Variants in SH3RF3 observed in about 807,000 individuals in gnomAD.
SH3RF3 encodes SH3 domain containing ring finger 3, also known as E3 ubiquitin-protein ligase SH3RF3.
A neutral mutation model predicts 66.3 loss-of-function variants in SH3RF3; 29 were observed. The ratio of observed to expected loss-of-function variants is 0.44; its 90% CI spans 0.33 to 0.60. SH3RF3 has a LOEUF of 0.60. Ranked by LOEUF, SH3RF3 falls within the 20% of genes least tolerant of loss-of-function variation. The pLI, the probability that SH3RF3 is intolerant of heterozygous loss-of-function variation, is 0.04. For synonymous variants in SH3RF3, 583 were observed against 532.0 expected (o/e 1.10, Z -1.32); for missense variants, 1,194 against 1,190.9 (o/e 1.00, Z -0.04).
intron 1 of SH3RF3, among the ~76,000 whole-genome samples, chr2:109,298,094 C>A (rs962392044): frequency 2.0e-4 from 30 of 152,194 alleles, no homozygotes; most frequent in African/African-American, 7.2e-4. Context: ...CCCACTCAAA[C>A]CTGCTTCTCA....
intron 4 of SH3RF3, among the ~76,000 whole-genome samples, chr2:109,409,734 A>G (rs1676538224): frequency 6.6e-6 from 1 of 151,724 alleles, no homozygotes. Flanking sequence ...GCCTCTGGCT[A>G]CACAAGCTGC....
intron 2 of SH3RF3, among the ~76,000 whole-genome samples, chr2:109,361,533 G>T (rs1023684401): frequency 2.0e-5 from 3 of 152,090 alleles, no homozygotes; most frequent in African/African-American, 7.2e-5. Context: ...GAGTGCAGTG[G>T]CGCGATCTTG....
rs929999182 is a variant in SH3RF3, at chr2:109,130,046, C to T, written c.506C>T (p.Ala169Val). 6.6e-6 allele frequency: 9 copies of T among 1,359,652 alleles called. No homozygotes were observed. The highest frequency in any genetic ancestry group is 8.5e-6 in the Non-Finnish European group (9 of 1,058,710). 84.2% of individuals were successfully genotyped at this position (1,359,652 alleles called of 1,614,324 possible). The change falls in exon 1 of 10, where the codon GCG (alanine) becomes GTG (valine). Residue 169 changes from alanine (A) to valine (V), a missense_variant. Physicochemically the swap from Ala to Val is moderately conservative, Grantham distance 64. Coordinates refer to ENST00000309415, the MANE Select transcript of SH3RF3 (RefSeq NM_001099289.3). ...CCGGGTTCCCCGGTTTTCCTCTCCG[C>T]GGCCGCGGGCAGCACCGCCGGCAGT... ...STPGSPVFLSAAAGSTAGSLR... is the reference protein window; with the variant it reads ...STPGSPVFLSVAAGSTAGSLR...
Position 109,229,820 on chromosome 2 carries a change from T to G in SH3RF3, c.573+99707T>G, listed in dbSNP as rs566540053. Among the ~76,000 whole-genome samples the G allele has an allele frequency of 9.5e-3, 1,220 of 128,212 alleles. 10 individuals carry two copies. The highest frequency in any genetic ancestry group is 0.012 in the Admixed American group (130 of 11,292). 84.1% of individuals were successfully genotyped at this position (128,212 alleles called of 152,430 possible). A position where few individuals can be genotyped will look rare whatever the true frequency, so the allele number is the denominator to read the frequency against. On this transcript the variant is annotated intron_variant, in intron 1 of 9. Transcript: ENST00000309415. ...TGTTTAGATTTTTTTTCTTTTCTTT[T>G]TCTTTCTTTTTTTTTTTTTTTTGAG...
intron 4 of SH3RF3, among the ~76,000 whole-genome samples, chr2:109,412,334 G>A (rs995698276): frequency 6.6e-6 from 1 of 152,190 alleles, no homozygotes. Context: ...AAGTGCCGGG[G>A]CAGGCTTCAG....
chr2:109,130,622 C>T (rs1052620643), intron 1 of SH3RF3, among the ~76,000 whole-genome samples: 2 of 152,102 alleles, frequency 1.3e-5, no homozygotes, highest in African/African-American at 4.8e-5. Flanking sequence ...TGGAGGAATG[C>T]TTCTAGTAGT....
chr2:109,404,608 C>A (rs1409183411), intron 4 of SH3RF3, among the ~76,000 whole-genome samples: 1 of 152,146 alleles, frequency 6.6e-6, no homozygotes, highest in Non-Finnish European at 1.5e-5. Flanking sequence ...CACGGGCACA[C>A]AGGGCCTGGG....
chr2:109,499,207 C>T (rs1423248815), intron 9 of SH3RF3, among the ~76,000 whole-genome samples: 1 of 152,106 alleles, frequency 6.6e-6, no homozygotes, highest in Non-Finnish European at 1.5e-5. Flanking sequence ...CCGCGGGGGC[C>T]GTGTCTCCTA....
At chr2:109,482,867 G>C (rs2104768432) in intron 8 of SH3RF3, among the ~76,000 whole-genome samples, 1 of 152,282 alleles carries the variant, frequency 6.6e-6, no homozygotes, top group East Asian at 1.9e-4. Flanking sequence ...TTCACTGGCT[G>C]CTGCCTCCCG....
intron 1 of SH3RF3, among the ~76,000 whole-genome samples, chr2:109,340,619 C>T (rs1244508191): frequency 6.6e-6 from 1 of 152,178 alleles, no homozygotes; most frequent in African/African-American, 2.4e-5. Flanking sequence ...GCCCCGGCAC[C>T]CAGGGTCCTG....
At chr2:109,240,032 G>GT (rs1679741926) in intron 1 of SH3RF3, among the ~76,000 whole-genome samples, 1 of 152,188 alleles carries the variant, frequency 6.6e-6, no homozygotes. Flanking sequence ...GTCTGTAGTG[G>GT]TGGCCGGGGC....
At chr2:109,162,983 C>G (rs1225132074) in intron 1 of SH3RF3, among the ~76,000 whole-genome samples, 2 of 152,218 alleles carry the variant, frequency 1.3e-5, no homozygotes, top group Non-Finnish European at 2.9e-5. Context: ...TGCACCCTCT[C>G]TGACTGAGGG....
intron 1 of SH3RF3, among the ~76,000 whole-genome samples, chr2:109,286,480 C>T (rs190436135): frequency 5.3e-5 from 8 of 152,276 alleles, no homozygotes; most frequent in Admixed American, 3.3e-4. Flanking sequence ...ACCACAGTCC[C>T]GCACAAGGCC....
At chr2:109,292,708 T>C (rs774576259) in intron 1 of SH3RF3, among the ~76,000 whole-genome samples, 9 of 152,222 alleles carry the variant, frequency 5.9e-5, no homozygotes, top group Non-Finnish European at 1.0e-4. Flanking sequence ...CTGGTCCATG[T>C]AACAGCAATT....
At chr2:109,192,174 G>C (rs1678383953) in intron 1 of SH3RF3, among the ~76,000 whole-genome samples, 1 of 152,114 alleles carries the variant, frequency 6.6e-6, no homozygotes. Context: ...TTCTACATAT[G>C]GCACTAACTC....
At chr2:109,486,934 GT>G (rs1678996548) in intron 8 of SH3RF3, among the ~76,000 whole-genome samples, 1 of 152,208 alleles carries the variant, frequency 6.6e-6, no homozygotes. Context: ...CGGCTGTTTG[GT>G]TTTCTCCCTG....
At chr2:109,169,022 A>G (rs1459611969) in intron 1 of SH3RF3, among the ~76,000 whole-genome samples, 1 of 151,572 alleles carries the variant, frequency 6.6e-6, no homozygotes, top group South Asian at 2.1e-4. Context: ...GCCTAACAGG[A>G]CTCTCCCTTG....
chr2:109,378,176 C>T (rs981802395), intron 3 of SH3RF3, among the ~76,000 whole-genome samples: 1 of 152,358 alleles, frequency 6.6e-6, no homozygotes, highest in South Asian at 2.1e-4. Context: ...CGCAGCACCT[C>T]CAGACCTGTC....
intron 6 of SH3RF3, among the ~76,000 whole-genome samples, chr2:109,436,075 G>A (rs1267923817): frequency 1.3e-5 from 2 of 152,190 alleles, no homozygotes; most frequent in African/African-American, 4.8e-5. Flanking sequence ...AGGCACAGGA[G>A]ACGGGGCAGG....
Sources: gnomAD v4.1 joint callset for allele counts (sites outside exome capture counted in the v4.1 genomes callset) on GRCh38, gnomAD v4.1.1 for gene constraint, MANE v1.5 for transcripts, NCBI Gene and HGNC (gene_info 2026-07-23, HGNC 2026-07-21) for gene names.